NUP188: variants seen among roughly 807,000 people sequenced by gnomAD.
NUP188 encodes nucleoporin NUP188.
Under a neutral mutation model 223.0 loss-of-function variants are expected in NUP188, and 97 were observed. The observed-to-expected ratio is 0.43, with a 90% CI of 0.37 to 0.51. The LOEUF is 0.51. NUP188 is among the 20% of genes least tolerant of loss of function. The pLI is 0.00. For synonymous variants in NUP188, 869 were observed against 828.0 expected (o/e 1.05, Z -0.85); for missense variants, 1,947 against 2,175.6 (o/e 0.89, Z 2.09).
In NUP188 at chr9:128,956,428, GT is replaced by G; in HGVS notation, c.245del (p.Leu82TrpfsTer27). The stretch of plus-strand genomic sequence containing the variant: ...AGGAACTGGGTTTAAGAATCAGCAA[GT>G]TTTTGGTGAGTAAAAATTAGCACTC... The part of the protein sequence containing the change: ...LKELGLRISK[F>X]LGLDEEQSVQ... On this transcript the variant is annotated frameshift_variant, in exon 4 of 44. Transcript: ENST00000372577. LOFTEE classifies it high-confidence loss of function. 2 of 1,563,800 alleles carry G rather than the reference GT, an allele frequency of 1.3e-6. No homozygotes were observed. Among genetic ancestry groups the G allele is most frequent in the Admixed American group, 1.9e-5 (1 of 52,516 alleles).
rs562532363 is a variant in NUP188, at chr9:128,959,252, T to G, written c.585+118T>G. The G allele has an allele frequency of 1.8e-5, 13 of 713,160 alleles. No homozygotes were observed. The East Asian group carries it at 4.0e-4, about 22-fold the overall frequency. 44.2% of individuals were successfully genotyped at this position (713,160 alleles called of 1,614,324 possible). ...CTCACTGCAACCTCCATCTCCTGGTTTTAAGCAATTCTCCTACCTCAGTGG... is the reference window on the plus strand; with the variant it reads ...CTCACTGCAACCTCCATCTCCTGGTGTTAAGCAATTCTCCTACCTCAGTGG... On this transcript the variant is annotated intron_variant, in intron 8 of 43. Coordinates refer to ENST00000372577, the MANE Select transcript of NUP188 (RefSeq NM_015354.3).
chr9:129,002,058 C>G, intron 36 of NUP188, 82 bp downstream of exon 36: 1 of 1,141,994 alleles, frequency 8.8e-7, no homozygotes. Context: ...TACCTTTCCC[C>G]GGAAGTTGCT....
At position 129,006,243 on chromosome 9, in the gene NUP188, C is replaced by T. The variant is rs1842798471; in HGVS notation, c.4948C>T (p.Leu1650Phe). The T allele has an allele frequency of 9.3e-6, 15 of 1,614,176 alleles. No individual in the cohort carries two copies. Among genetic ancestry groups the T allele is most frequent in the Non-Finnish European group, 1.1e-5 (13 of 1,180,050 alleles). Residue 1650 changes from leucine (L) to phenylalanine (F), a missense_variant, in exon 43 of 44, where the codon CTC (leucine) becomes TTC (phenylalanine). Physicochemically the swap from Leu to Phe is conservative, Grantham distance 22. Coordinates refer to ENST00000372577, the MANE Select transcript of NUP188 (RefSeq NM_015354.3). ...QAEGTRTLKSLLMFTMENCFY... is the reference protein window; with the variant it reads ...QAEGTRTLKSFLMFTMENCFY... ...AAAACCTGTGTCTCCTCCCAGGTCC[C>T]TCCTGATGTTTACCATGGAAAACTG... is the stretch of plus-strand genomic sequence containing the variant.
chr9:128,975,747 A>C lies in NUP188; in HGVS notation c.1203+2498A>C, dbSNP rs1842167233. ...TGGCCAGGCTGGCCTCAAACTCCTG[A>C]CCTCAAGTGATCCGCCTGCCTCAGC... is the stretch of plus-strand genomic sequence containing the variant. On this transcript the variant is annotated intron_variant, in intron 12 of 43. Coordinates refer to ENST00000372577, the MANE Select transcript of NUP188 (RefSeq NM_015354.3). Among the ~76,000 whole-genome samples the C allele has an allele frequency of 2.0e-5, 3 of 147,134 alleles. No homozygotes were observed. The South Asian group carries it at 6.4e-4, about 32-fold the overall frequency.
chr9:128,978,390 C>T (rs1588279744), intron 12 of NUP188, among the ~76,000 whole-genome samples: 4 of 151,750 alleles, frequency 2.6e-5, no homozygotes, highest in Admixed American at 2.0e-4. Flanking sequence ...GGTGAAACCC[C>T]GTCTCTACTA....
At chr9:129,002,690 A>G (rs12683155) in intron 36 of NUP188, 127 bp from the exon 37 acceptor site, 348,815 of 969,702 alleles carry the variant, frequency 0.36, 67,280 homozygotes, top group Admixed American at 0.41. Flanking sequence ...TGGTGGCCAG[A>G]CAGTGGCTGT....
chr9:128,983,269 T>G, intron 17 of NUP188, 24 bp from the exon 18 acceptor site: 1 of 1,593,878 alleles, frequency 6.3e-7, no homozygotes, highest in Non-Finnish European at 8.6e-7. Context: ...CTTTATTGAG[T>G]ATAGTGTATT....
At chr9:128,990,370 A>G (rs1242131623) in intron 25 of NUP188, 144 bp downstream of exon 25, 2 of 708,374 alleles carry the variant, frequency 2.8e-6, no homozygotes, top group Non-Finnish European at 5.1e-6. Flanking sequence ...TGGGAGGATC[A>G]TTTGAGCCCA....
chr9:128,975,424 G>A (rs1373469664), intron 12 of NUP188, among the ~76,000 whole-genome samples: 4 of 151,234 alleles, frequency 2.6e-5, no homozygotes, highest in South Asian at 2.1e-4. Context: ...GGGTTTCACC[G>A]TGTTAGCCAG....
intron 2 of NUP188, among the ~76,000 whole-genome samples, chr9:128,951,014 C>T (rs1841775330): frequency 6.6e-6 from 1 of 151,072 alleles, no homozygotes; most frequent in Admixed American, 6.6e-5. Flanking sequence ...TCTACCTCAA[C>T]CTAAGAAAGA....
chr9:129,004,798 C>T (rs935545465), intron 38 of NUP188: 41 of 275,408 alleles, frequency 1.5e-4, no homozygotes, highest in Non-Finnish European at 2.2e-4. Flanking sequence ...CCACCGCACC[C>T]GGCCTCATCT....
rs1022400360 is a variant in NUP188 at position 128,982,817 on chromosome 9, G to C, written c.1670-85G>C. On this transcript the variant is annotated intron_variant, in intron 16 of 43. Transcript: ENST00000372577. ...GAACCATCAAGATTGTGATTTGTCTGATTTGTGTATCTGGGTCTCAGAGAC... is the reference window on the plus strand; with the variant it reads ...GAACCATCAAGATTGTGATTTGTCTCATTTGTGTATCTGGGTCTCAGAGAC... The C allele has an allele frequency of 3.8e-6, 6 of 1,592,596 alleles. No individual in the cohort carries two copies. In the African/African-American group the frequency reaches 8.1e-5, roughly 21 times the overall value.
At chr9:128,968,746 C>T (rs765220473) in intron 9 of NUP188, 29 bp downstream of exon 9, 5 of 1,540,920 alleles carry the variant, frequency 3.2e-6, no homozygotes, top group Middle Eastern at 1.7e-4. Flanking sequence ...CATCATGGAA[C>T]TTGCAGTGTT....
At chr9:128,989,528 A>G (rs1175686626) in intron 24 of NUP188, among the ~76,000 whole-genome samples, 3 of 151,366 alleles carry the variant, frequency 2.0e-5, no homozygotes, top group Non-Finnish European at 4.4e-5. Flanking sequence ...GTGAAACCCC[A>G]TCTCTACTAA....
At position 129,005,268 on chromosome 9, in the gene NUP188, C is replaced by T. The variant is rs1259671141; in HGVS notation, c.4510-35C>T. On this transcript the variant is annotated intron_variant, in intron 39 of 43. Transcript: ENST00000372577. ...GTCCTGGAATACCTCACGCTAGCTT[C>T]CCAAGCTCCACCTTCATTTCTTGAC... 3 of 1,613,078 alleles carry T rather than the reference C, an allele frequency of 1.9e-6. No individual in the cohort carries two copies. The Admixed American group carries it at 5.0e-5, about 27-fold the overall frequency.
At chr9:128,967,337 T>A (rs1301517441) in intron 8 of NUP188, among the ~76,000 whole-genome samples, 2 of 152,148 alleles carry the variant, frequency 1.3e-5, no homozygotes, top group Non-Finnish European at 2.9e-5. Flanking sequence ...TTACTATACC[T>A]TTATAGGAGA....
At chr9:128,987,191 C>T (rs1193614283) in intron 22 of NUP188, among the ~76,000 whole-genome samples, 2 of 149,404 alleles carry the variant, frequency 1.3e-5, no homozygotes, top group Admixed American at 6.7e-5. Context: ...AAAGTTCATT[C>T]CTGACGAGAC....
chr9:128,957,858 G>A, intron 5 of NUP188, 152 bp from the exon 6 acceptor site: 1 of 611,082 alleles, frequency 1.6e-6, no homozygotes, highest in South Asian at 2.1e-5. Context: ...CACAGGTTTG[G>A]GTACATTTGG....
At chr9:128,966,058 G>A (rs1276741000) in intron 8 of NUP188, among the ~76,000 whole-genome samples, 2 of 151,830 alleles carry the variant, frequency 1.3e-5, no homozygotes, top group African/African-American at 4.8e-5. Flanking sequence ...GCCTCCTAAA[G>A]TGCTGAGATT....
Sources: allele counts gnomAD v4.1 joint callset (sites outside exome capture counted in the v4.1 genomes callset), GRCh38; gene constraint gnomAD v4.1.1; transcripts MANE v1.5; gene names NCBI Gene and HGNC (gene_info 2026-07-23, HGNC 2026-07-21).